PAG1: variants seen among roughly 807,000 people sequenced by gnomAD.
PAG1 encodes the protein phosphoprotein membrane anchor with glycosphingolipid microdomains 1.
PAG1 carries 23 observed loss-of-function variants against 31.7 expected under a neutral mutation model. That is an observed-to-expected ratio of 0.73 (90% confidence interval 0.52 to 1.03). PAG1 has a LOEUF of 1.03. Among genes scored for constraint, PAG1 ranks in the 50% least tolerant of loss-of-function variants. The pLI, the probability that PAG1 is intolerant of heterozygous loss-of-function variation, is 0.00. For missense variants in PAG1, 473 were observed against 540.7 expected (o/e 0.87, Z 1.24); for synonymous variants, 214 against 210.3 (o/e 1.02, Z -0.15).
intron 3 of PAG1, among the ~76,000 whole-genome samples, chr8:81,023,874 G>GA (rs1808229440): frequency 6.6e-6 from 1 of 152,202 alleles, no homozygotes; most frequent in Admixed American, 6.5e-5. Flanking sequence ...TCTACACCAT[G>GA]AAAAGTCTGT....
intron 3 of PAG1, among the ~76,000 whole-genome samples, chr8:80,993,622 A>T (rs551970520): frequency 2.9e-4 from 42 of 144,580 alleles, no homozygotes; most frequent in Non-Finnish European, 3.3e-4. Context: ...TTTTTTCTTC[A>T]ACCAGGGTCT....
At position 80,975,673 on chromosome 8, in the gene PAG1, C is replaced by T. The variant is rs1447756833; in HGVS notation, c.*871G>A. On this transcript the variant is annotated 3_prime_UTR_variant, in exon 9 of 9. Transcript: ENST00000220597. Reference sequence around the variant, plus strand: ...CTGTGTCCCAACATAAAGATTAAGGCTCTCTGTTTTGAAGGAATGAGTTCT... The same window carrying T: ...CTGTGTCCCAACATAAAGATTAAGGTTCTCTGTTTTGAAGGAATGAGTTCT... 6.6e-6 allele frequency: 1 copy of T among 152,142 alleles called. No homozygotes were observed. Among genetic ancestry groups the T allele is most frequent in the African/African-American group, 2.4e-5 (1 of 41,426 alleles). 9.4% of individuals were successfully genotyped at this position (152,142 alleles called of 1,614,324 possible). A position where few individuals can be genotyped will look rare whatever the true frequency, so the allele number is the denominator to read the frequency against.
At chr8:81,039,009 G>A (rs1283268985) in intron 2 of PAG1, among the ~76,000 whole-genome samples, 1 of 152,106 alleles carries the variant, frequency 6.6e-6, no homozygotes, top group Non-Finnish European at 1.5e-5. Flanking sequence ...TTTTGCAATA[G>A]TTAAGTGCCC....
At chr8:81,025,064 A>C (rs1345503399) in intron 3 of PAG1, among the ~76,000 whole-genome samples, 1 of 152,182 alleles carries the variant, frequency 6.6e-6, no homozygotes, top group African/African-American at 2.4e-5. Flanking sequence ...AATAGCTATC[A>C]GTTTAAAAAG....
At chr8:81,026,654 G>A (rs1030539157) in intron 3 of PAG1, among the ~76,000 whole-genome samples, 5 of 151,946 alleles carry the variant, frequency 3.3e-5, no homozygotes, top group Admixed American at 6.6e-5. Flanking sequence ...AGTGGTTACC[G>A]GAAATTCCGC....
intron 1 of PAG1, among the ~76,000 whole-genome samples, chr8:81,105,971 C>T (rs1204221604): frequency 6.6e-6 from 1 of 152,088 alleles, no homozygotes; most frequent in Non-Finnish European, 1.5e-5. Context: ...TGATACGGTA[C>T]CTAGGGATTG....
At chr8:81,061,195 C>T (rs1341989210) in intron 2 of PAG1, among the ~76,000 whole-genome samples, 1 of 152,172 alleles carries the variant, frequency 6.6e-6, no homozygotes, top group Non-Finnish European at 1.5e-5. Flanking sequence ...TATAGCATTA[C>T]TCACGGGGGT....
intron 7 of PAG1, among the ~76,000 whole-genome samples, chr8:80,981,862 C>CCTTTTT (rs1554598378): frequency 0.091 from 9,411 of 103,588 alleles, 1,013 homozygotes; most frequent in African/African-American, 0.21. Context: ...ATCTCACTTC[C>CCTTTTT]TTTTTTTTTT....
At chr8:81,024,761 TCCTTAGAAAGCATAGAA>T (rs1808246405) in intron 3 of PAG1, among the ~76,000 whole-genome samples, 1 of 152,206 alleles carries the variant, frequency 6.6e-6, no homozygotes, top group Non-Finnish European at 1.5e-5. Flanking sequence ...TTCAAACTGT[TCCTTAGAAAGCATAGAA>T]CCAAATTTGG....
At chr8:81,097,216 C>T (rs80343311) in intron 1 of PAG1, among the ~76,000 whole-genome samples, 1,750 of 152,216 alleles carry the variant, frequency 0.011, 34 homozygotes, top group African/African-American at 0.04. Context: ...TTATAGTAAA[C>T]GTGAAACTTC....
At chr8:81,028,358 C>T (rs1554603139) in intron 3 of PAG1, among the ~76,000 whole-genome samples, 1 of 152,174 alleles carries the variant, frequency 6.6e-6, no homozygotes, top group African/African-American at 2.4e-5. Context: ...CGTCTTTTTT[C>T]TCTTATCTTT....
At chr8:80,978,056 G>A (rs1249470777) in intron 8 of PAG1, among the ~76,000 whole-genome samples, 1 of 152,172 alleles carries the variant, frequency 6.6e-6, no homozygotes, top group East Asian at 1.9e-4. Flanking sequence ...AGACAGGCCT[G>A]TCTTAAGACA....
intron 2 of PAG1, among the ~76,000 whole-genome samples, chr8:81,057,631 G>C (rs764942395): frequency 6.6e-6 from 1 of 151,804 alleles, no homozygotes; most frequent in Non-Finnish European, 1.5e-5. Context: ...CGAGTTAATC[G>C]GTGCAGCACA....
chr8:81,074,455 G>T (rs1809145765), intron 1 of PAG1, among the ~76,000 whole-genome samples: 1 of 152,186 alleles, frequency 6.6e-6, no homozygotes, highest in Non-Finnish European at 1.5e-5. Flanking sequence ...AAATTAGCAG[G>T]ATCACTGGAT....
intron 1 of PAG1, among the ~76,000 whole-genome samples, chr8:81,100,646 G>A (rs974639341): frequency 6.6e-6 from 1 of 152,190 alleles, no homozygotes; most frequent in African/African-American, 2.4e-5. Flanking sequence ...GATGGCGGAC[G>A]CATTTCAAAA....
rs141068040 is a variant in PAG1 at position 81,017,175 on chromosome 8, G to T, written c.-81+12821C>A. 5.3e-5 allele frequency among the ~76,000 whole-genome samples: 8 copies of T among 152,314 alleles called. No individual in the cohort carries two copies. The East Asian group carries it at 1.5e-3, about 29-fold the overall frequency. ...TATGAAGCAACAGATAATGAATACA[G>T]ATCCTTTGTATTCTTTGGGCATGTT... On this transcript the variant is annotated intron_variant, in intron 3 of 8. Coordinates refer to ENST00000220597, the MANE Select transcript of PAG1 (RefSeq NM_018440.4).
chr8:81,109,858 T>C (rs1419940001), intron 1 of PAG1, among the ~76,000 whole-genome samples: 1 of 152,214 alleles, frequency 6.6e-6, no homozygotes, highest in Admixed American at 6.5e-5. Flanking sequence ...GTACCAGAGC[T>C]GGCAGCCTGG....
At chr8:81,006,155 C>G (rs953430061) in intron 3 of PAG1, among the ~76,000 whole-genome samples, 2 of 151,812 alleles carry the variant, frequency 1.3e-5, no homozygotes, top group Non-Finnish European at 2.9e-5. Flanking sequence ...GTTGGCCAGG[C>G]TGGTCTCAAA....
chr8:81,070,966 T>C (rs1809084230), intron 1 of PAG1, among the ~76,000 whole-genome samples: 1 of 152,184 alleles, frequency 6.6e-6, no homozygotes. Flanking sequence ...CGAGACTGAA[T>C]TTTCTCAGGA....
Sources: gnomAD v4.1 joint callset for allele counts (sites outside exome capture counted in the v4.1 genomes callset) on GRCh38, gnomAD v4.1.1 for gene constraint, MANE v1.5 for transcripts, NCBI Gene and HGNC (gene_info 2026-07-23, HGNC 2026-07-21) for gene names.